HIVEP1: variants seen among roughly 807,000 people sequenced by gnomAD.
HIVEP1 encodes the protein HIVEP zinc finger 1, also known as zinc finger protein 40.
HIVEP1 carries 36 observed loss-of-function variants against 180.0 expected under a neutral mutation model. The ratio of observed to expected loss-of-function variants is 0.20; its 90% confidence interval spans 0.15 to 0.26. HIVEP1 has a LOEUF of 0.26. HIVEP1 is among the 10% of genes least tolerant of loss of function. HIVEP1 has a pLI of 1.00. For synonymous variants in HIVEP1, 1,239 were observed against 1,239.0 expected, an observed-to-expected ratio of 1.00 and a Z score of 0.00; for missense variants, 3,143 against 3,268.7, an observed-to-expected ratio of 0.96 and a Z score of 0.94.
At chr6:12,094,136 T>G (rs1385458810) in intron 3 of HIVEP1, among the ~76,000 whole-genome samples, 2 of 152,042 alleles carry the variant, frequency 1.3e-5, no homozygotes. Flanking sequence ...TGATTTTTTC[T>G]TTTGTAAAAT....
chr6:12,051,006 A>ATATATATATG (rs1554135644), intron 2 of HIVEP1, among the ~76,000 whole-genome samples: 1 of 116,528 alleles, frequency 8.6e-6, no homozygotes, highest in Non-Finnish European at 1.6e-5. Context: ...AAGTGCATAT[A>ATATATATATG]TATATATATA....
At chr6:12,030,513 A>G (rs974861437) in intron 2 of HIVEP1, among the ~76,000 whole-genome samples, 2 of 152,062 alleles carry the variant, frequency 1.3e-5, no homozygotes, top group Non-Finnish European at 2.9e-5. Flanking sequence ...GCTATCTTCA[A>G]ATATATGGAT....
At chr6:12,199,211 A>C in the HIVEP1 span, among the ~76,000 whole-genome samples, 5 of 152,322 alleles carry the variant, frequency 3.3e-5, no homozygotes, top group East Asian at 9.6e-4. Context: ...TTTAACATCT[A>C]TTCCAACAGA....
intron 2 of HIVEP1, among the ~76,000 whole-genome samples, chr6:12,078,150 A>G (rs984872956): frequency 5.9e-5 from 9 of 152,224 alleles, no homozygotes; most frequent in Non-Finnish European, 1.2e-4. Context: ...GTTGATCTCA[A>G]TACTCCTAGA....
At chr6:12,009,664 T>C (rs1488662274), upstream of HIVEP1, among the ~76,000 whole-genome samples, 1 of 152,254 alleles carries the variant, frequency 6.6e-6, no homozygotes, top group Non-Finnish European at 1.5e-5. Flanking sequence ...AAGAAGCTAC[T>C]TTATAGTATA....
downstream of HIVEP1, chr6:12,165,223 G>A (rs1760669078): frequency 2.2e-6 from 1 of 450,292 alleles, no homozygotes; most frequent in African/African-American, 2.1e-5. Flanking sequence ...GTTATTATTA[G>A]AAGACTAAAT....
intron 2 of HIVEP1, among the ~76,000 whole-genome samples, chr6:12,020,890 C>CTTTCT (rs536583043): frequency 0.088 from 9,286 of 105,730 alleles, 739 homozygotes; most frequent in African/African-American, 0.15. Flanking sequence ...TTCTTTCTTT[C>CTTTCT]TTTTTTTTTT....
chr6:12,170,783 C>A, the HIVEP1 span, among the ~76,000 whole-genome samples: 1 of 152,106 alleles, frequency 6.6e-6, no homozygotes, highest in Non-Finnish European at 1.5e-5. Flanking sequence ...GCTGTGGACT[C>A]CAGAAACCAT....
At chr6:12,047,941 C>T (rs1770246637) in intron 2 of HIVEP1, among the ~76,000 whole-genome samples, 1 of 152,192 alleles carries the variant, frequency 6.6e-6, no homozygotes, top group Non-Finnish European at 1.5e-5. Context: ...TTGCTTTTCA[C>T]ATCTGAGTAC....
chr6:12,148,915 G>A (rs926971498), intron 7 of HIVEP1, among the ~76,000 whole-genome samples: 3 of 152,130 alleles, frequency 2.0e-5, no homozygotes, highest in Admixed American at 6.5e-5. Flanking sequence ...GAAGTATGTC[G>A]TTTCATCATG....
At position 12,164,110 on chromosome 6, in the gene HIVEP1, G is replaced by A. The variant is rs769397788; in HGVS notation, c.7806G>A (p.Gly2602=). 2 of 1,614,106 alleles carry A rather than the reference G, an allele frequency of 1.2e-6. No individual in the cohort carries two copies. Among genetic ancestry groups the A allele is most frequent in the Non-Finnish European group, 1.7e-6 (2 of 1,180,010 alleles). The change falls in exon 9 of 9, where the codon GGG becomes GGA. Residue 2602 remains glycine, a synonymous_variant. Coordinates refer to ENST00000379388, the MANE Select transcript of HIVEP1 (RefSeq NM_002114.4). ...NQVSRTESPQ[G]LPTVQRENAK... ...TCAGCAGGACCGAGTCTCCTCAGGG[G>A]TTACCTACAGTCCAGCGGGAAAATG...
At chr6:12,061,360 A>G (rs1771219755) in intron 2 of HIVEP1, among the ~76,000 whole-genome samples, 1 of 152,262 alleles carries the variant, frequency 6.6e-6, no homozygotes, top group Non-Finnish European at 1.5e-5. Context: ...TAGCAGGTCA[A>G]ATAAATTACT....
chr6:12,040,203 G>A (rs1479805575), intron 2 of HIVEP1, among the ~76,000 whole-genome samples: 1 of 152,224 alleles, frequency 6.6e-6, no homozygotes, highest in Non-Finnish European at 1.5e-5. Flanking sequence ...TGATCCAGGA[G>A]TTAAGAAACA....
rs781632794 is a variant in HIVEP1, at chr6:12,122,224, C to T, written c.2429C>T (p.Pro810Leu). 38 of 1,614,010 alleles carry T rather than the reference C, an allele frequency of 2.4e-5. No homozygotes were observed. The highest frequency in any genetic ancestry group is 2.0e-4 in the East Asian group (9 of 44,902). Reference sequence around the variant, plus strand: ...AGAACAAGTTCAAGCTCTGATATACCGAAGTCACCTTTCACCCCTACTGAA... The same window carrying T: ...AGAACAAGTTCAAGCTCTGATATACTGAAGTCACCTTTCACCCCTACTGAA... ...GRRTSSSSDI[P>L]KSPFTPTEKS... Residue 810 changes from proline (P) to leucine (L), a missense_variant, in exon 4 of 9, where the codon CCG (proline) becomes CTG (leucine). Around this residue, in one of 12 missense-constraint regions of HIVEP1, gnomAD observed 204 missense variants for 243.7 expected, o/e 0.84. Coordinates refer to ENST00000379388, the MANE Select transcript of HIVEP1 (RefSeq NM_002114.4).
intron 7 of HIVEP1, among the ~76,000 whole-genome samples, chr6:12,145,433 G>T (rs1046077949): frequency 6.6e-6 from 1 of 151,708 alleles, no homozygotes; most frequent in Non-Finnish European, 1.5e-5. Flanking sequence ...CTAGTTTATG[G>T]GTGCAGCAAA....
At chr6:12,118,135 C>T (rs563984672) in intron 3 of HIVEP1, among the ~76,000 whole-genome samples, 2 of 36,032 alleles carry the variant, frequency 5.6e-5, no homozygotes, top group Non-Finnish European at 8.5e-5. Flanking sequence ...TATGAGACCC[C>T]CTTTTGTTTT....
intron 2 of HIVEP1, among the ~76,000 whole-genome samples, chr6:12,033,372 C>G (rs1000881106): frequency 3.3e-5 from 5 of 151,572 alleles, no homozygotes; most frequent in African/African-American, 4.9e-5. Flanking sequence ...GGTGGAACAT[C>G]TGTACAATGA....
At chr6:12,024,422 G>A (rs1768448405) in intron 2 of HIVEP1, among the ~76,000 whole-genome samples, 1 of 152,148 alleles carries the variant, frequency 6.6e-6, no homozygotes, top group South Asian at 2.1e-4. Flanking sequence ...TGAGATAGCA[G>A]TCCCTAAGCA....
intron 8 of HIVEP1, 33 bp from the exon 9 acceptor site, chr6:12,163,244 AGACCTG>A: frequency 6.8e-7 from 1 of 1,465,628 alleles, no homozygotes. Flanking sequence ...TGATTACAAA[AGACCTG>A]TCATAAAAGG....
Sources: gnomAD v4.1 joint callset for allele counts (sites outside exome capture counted in the v4.1 genomes callset) on GRCh38, gnomAD v4.1.1 for gene constraint, gnomAD v4.1.1 regional missense constraint, MANE v1.5 for transcripts, NCBI Gene and HGNC (gene_info 2026-07-23, HGNC 2026-07-21) for gene names.